Variants in IFT122 observed in about 807,000 individuals in gnomAD.
IFT122 encodes intraflagellar transport protein 122 homolog.
IFT122 carries 118 observed loss-of-function variants against 161.6 expected under a neutral mutation model. The observed-to-expected ratio is 0.73, with a 90% CI of 0.63 to 0.85. The LOEUF (loss-of-function observed/expected upper bound fraction) is 0.85. IFT122 is among the 40% of genes least tolerant of loss of function. The pLI, the probability that IFT122 is intolerant of heterozygous loss-of-function variation, is 0.00. For missense variants in IFT122, 1,381 were observed against 1,579.6 expected (o/e 0.87, Z 2.13); for synonymous variants, 550 against 602.4 (o/e 0.91, Z 1.27).
intron 24 of IFT122, chr3:129,514,180 G>A: frequency 1.4e-6 from 1 of 696,126 alleles, no homozygotes; most frequent in Non-Finnish European, 2.6e-6. Flanking sequence ...AAACTACGCT[G>A]TTTTTATCTT....
rs1046390162 is a variant in IFT122, at chr3:129,476,915, C to G, written c.1147+114C>G. 29 of 1,264,040 alleles carry G rather than the reference C, an allele frequency of 2.3e-5. No individual in the cohort carries two copies. In the Middle Eastern group the frequency reaches 7.8e-4, roughly 34 times the overall value. 78.3% of individuals were successfully genotyped at this position (1,264,040 alleles called of 1,614,324 possible). ...GGTTTCTCTTTGGCGTTTTGCAAAC[C>G]TGTTAGCCACTGGGTCTGTGTCTTG... is the stretch of plus-strand genomic sequence containing the variant. On this transcript the variant is annotated intron_variant, in intron 11 of 29. Transcript: ENST00000348417.
chr3:129,500,146 A>G (rs1329023624), intron 19 of IFT122, 78 bp downstream of exon 19: 25 of 1,507,330 alleles, frequency 1.7e-5, no homozygotes, highest in East Asian at 1.4e-4. Flanking sequence ...AAGGGAACCA[A>G]TAGTGCTTTT....
At chr3:129,470,864 C>T (rs968580161) in intron 9 of IFT122, among the ~76,000 whole-genome samples, 1 of 152,228 alleles carries the variant, frequency 6.6e-6, no homozygotes, top group Non-Finnish European at 1.5e-5. Context: ...GCTGCCACCA[C>T]GCCTGGCTGG....
chr3:129,506,335 C>T (rs987521065), intron 21 of IFT122, 74 bp from the exon 22 acceptor site: 1 of 1,574,818 alleles, frequency 6.3e-7, no homozygotes, highest in Non-Finnish European at 8.7e-7. Flanking sequence ...GCAAGCCCCA[C>T]AGAGCTCCAT....
At chr3:129,517,370 C>A in intron 26 of IFT122, 99 bp from the exon 27 acceptor site, 1 of 1,518,922 alleles carries the variant, frequency 6.6e-7, no homozygotes, top group Non-Finnish European at 9.0e-7. Context: ...GTGAAGCTGC[C>A]AGTGGGTTGA....
At chr3:129,459,245 C>T (rs773223574) in intron 4 of IFT122, 15 of 450,630 alleles carry the variant, frequency 3.3e-5, no homozygotes, top group African/African-American at 1.0e-4. Context: ...TATTGCTCAT[C>T]GGCCTGTAAG....
chr3:129,451,437 A>G lies in IFT122; in HGVS notation c.109-477A>G, dbSNP rs972008777. 1.8e-4 allele frequency among the ~76,000 whole-genome samples: 28 copies of G among 152,146 alleles called. 1 individual carries two copies. The highest frequency in any genetic ancestry group is 6.8e-4 in the African/African-American group (28 of 41,440). On this transcript the variant is annotated intron_variant, in intron 2 of 29. Transcript: ENST00000348417. ...CATGCCTGGCCTACAGTTGGGTTTT[A>G]TAACATTCCCTCCTACTTGAAAGCC... is the stretch of plus-strand genomic sequence containing the variant.
At chr3:129,504,957 G>A (rs919150341) in intron 21 of IFT122, among the ~76,000 whole-genome samples, 2 of 152,050 alleles carry the variant, frequency 1.3e-5, no homozygotes, top group Admixed American at 6.6e-5. Context: ...TCAGATAAAC[G>A]GGTGACTTCT....
At chr3:129,503,889 C>G (rs559261478) in intron 20 of IFT122, 14 of 280,130 alleles carry the variant, frequency 5.0e-5, no homozygotes, top group African/African-American at 3.1e-4. Context: ...GAGAAGCAGT[C>G]AGTGGGTCCA....
chr3:129,456,397 G>C, intron 3 of IFT122: 1 of 610,410 alleles, frequency 1.6e-6, no homozygotes, highest in South Asian at 2.2e-5. Context: ...TCAGCACTTT[G>C]GGAAGCCAAG....
At chr3:129,465,539 C>G (rs145141171) in intron 7 of IFT122, among the ~76,000 whole-genome samples, 2,003 of 145,222 alleles carry the variant, frequency 0.014, 38 homozygotes, top group African/African-American at 0.046. Flanking sequence ...GGCACAATCT[C>G]GGCTCACTGC....
chr3:129,464,675 A>C lies in IFT122; in HGVS notation c.457A>C (p.Asn153His), dbSNP rs760412321. Residue 153 changes from asparagine to histidine, a missense_variant, in exon 7 of 30, where the codon AAT becomes CAT. Physicochemically the swap from Asn to His is moderately conservative, Grantham distance 68 (BLOSUM62 1). This residue lies in a region of IFT122 where 544 missense variants were observed against 648.0 expected (regional missense o/e 0.84). Transcript: ENST00000348417. The stretch of plus-strand genomic sequence containing the variant: ...TCAGTACCTGGCGCTGGGGATGTTC[A>C]ATGGGATCATCAGCATACGGAACAA... ...DGQYLALGMF[N>H]GIISIRNKNG... 41 of 1,614,010 alleles carry C rather than the reference A, an allele frequency of 2.5e-5. 1 individual carries two copies. In the East Asian group the frequency reaches 9.1e-4, roughly 36 times the overall value.
chr3:129,444,980 A>G (rs1175225758), intron 1 of IFT122, among the ~76,000 whole-genome samples: 1 of 152,362 alleles, frequency 6.6e-6, no homozygotes, highest in African/African-American at 2.4e-5. Context: ...GCCAACAATG[A>G]TAATGGCAGC....
chr3:129,512,472 A>C, intron 24 of IFT122, 60 bp downstream of exon 24: 2 of 1,199,584 alleles, frequency 1.7e-6, no homozygotes, highest in Non-Finnish European at 2.5e-6. Flanking sequence ...GGCCCCAAGA[A>C]ATTCCTTCCA....
intron 8 of IFT122, 26 bp downstream of exon 8, chr3:129,467,092 C>T: frequency 1.2e-6 from 2 of 1,607,264 alleles, no homozygotes; most frequent in Non-Finnish European, 1.7e-6. Context: ...TGAGTGGGAA[C>T]CCTTCTGGTA....
At chr3:129,468,878 G>C (rs1044402690) in intron 8 of IFT122, among the ~76,000 whole-genome samples, 1 of 152,218 alleles carries the variant, frequency 6.6e-6, no homozygotes, top group Non-Finnish European at 1.5e-5. Flanking sequence ...CTATTTTTAG[G>C]TGTTAATTTT....
At chr3:129,492,255 C>A in intron 17 of IFT122, 61 bp downstream of exon 17, 1 of 1,308,568 alleles carries the variant, frequency 7.6e-7, no homozygotes, top group Non-Finnish European at 1.1e-6. Context: ...GTTTTAGGGG[C>A]AGCCCTTCTA....
At chr3:129,449,783 T>G (rs2074524753) in intron 1 of IFT122, 88 bp from the exon 2 acceptor site, 12 of 897,786 alleles carry the variant, frequency 1.3e-5, no homozygotes, top group Non-Finnish European at 1.3e-5. Flanking sequence ...ACAGTGTTTC[T>G]TAATGGCAAT....
intron 17 of IFT122, among the ~76,000 whole-genome samples, chr3:129,494,327 T>C (rs1198247090): frequency 5.9e-5 from 9 of 152,116 alleles, no homozygotes; most frequent in South Asian, 4.1e-4. Flanking sequence ...ATCACAGGTG[T>C]AAGCCACCAT....
Sources: allele counts gnomAD v4.1 joint callset (sites outside exome capture counted in the v4.1 genomes callset), GRCh38; gene constraint gnomAD v4.1.1; regional missense constraint gnomAD v4.1.1; transcripts MANE v1.5; gene names NCBI Gene and HGNC (gene_info 2026-07-23, HGNC 2026-07-21).